Variants in THSD7A observed in about 807,000 individuals in gnomAD.
THSD7A encodes the protein thrombospondin type 1 domain containing 7A, also known as thrombospondin type-1 domain-containing protein 7A.
THSD7A carries 96 observed loss-of-function variants against 231.3 expected under a neutral mutation model. That is an observed-to-expected ratio of 0.41 (90% confidence interval 0.35 to 0.49). The LOEUF is 0.49. Among genes scored for constraint, THSD7A ranks in the 20% least tolerant of loss-of-function variants. The pLI, the probability that THSD7A is intolerant of heterozygous loss-of-function variation, is 0.05. For missense variants in THSD7A, 2,290 were observed against 2,070.2 expected, an observed-to-expected ratio of 1.11 and a Z score of -2.06; for synonymous variants, 940 against 743.3, an observed-to-expected ratio of 1.26 and a Z score of -4.30.
intron 13 of THSD7A, among the ~76,000 whole-genome samples, chr7:11,436,406 T>A (rs1784634389): frequency 6.6e-6 from 1 of 152,084 alleles, no homozygotes; most frequent in Admixed American, 6.6e-5. Flanking sequence ...TAAACATAAT[T>A]TTAACAAAAA....
At chr7:11,597,731 G>A (rs1030093438) in intron 2 of THSD7A, among the ~76,000 whole-genome samples, 11 of 152,082 alleles carry the variant, frequency 7.2e-5, no homozygotes, top group Admixed American at 1.3e-4. Context: ...ATCATGTACT[G>A]GGTGCTTTCT....
chr7:11,641,909 T>G (rs528991652), intron 1 of THSD7A, among the ~76,000 whole-genome samples: 115 of 152,196 alleles, frequency 7.6e-4, no homozygotes, highest in African/African-American at 2.7e-3. Context: ...GTACACACGA[T>G]GAAGGGCTGT....
chr7:11,650,105 A>G (rs1782435220), intron 1 of THSD7A, among the ~76,000 whole-genome samples: 1 of 152,132 alleles, frequency 6.6e-6, no homozygotes, highest in Non-Finnish European at 1.5e-5. Flanking sequence ...TAGTATCTGC[A>G]TATCAAGTGT....
At position 11,382,571 on chromosome 7, in the gene THSD7A, C is replaced by T. The variant is rs756703760; in HGVS notation, c.4457G>A (p.Gly1486Asp). 1.2e-6 allele frequency: 2 copies of T among 1,612,868 alleles called. No individual in the cohort carries two copies. Among genetic ancestry groups the T allele is most frequent in the East Asian group, 2.2e-5 (1 of 44,838 alleles). The stretch of plus-strand genomic sequence containing the variant: ...TTGACACCACACTGTTCGGGAAGAG[C>T]CCTTCCAAGCACTGGCCATCCATTT... ...EYKWMASAWK[G>D]SSRTVWCQRS... Residue 1486 changes from glycine to aspartate, a missense_variant, in exon 24 of 28, where the codon GGC becomes GAC. Physicochemically the swap from Gly to Asp is moderately conservative, Grantham distance 94. Transcript: ENST00000423059.
intron 11 of THSD7A, among the ~76,000 whole-genome samples, chr7:11,451,340 C>T (rs1330628110): frequency 1.3e-5 from 2 of 151,890 alleles, no homozygotes; most frequent in African/African-American, 4.8e-5. Context: ...GAAAGAATTG[C>T]TAATTATAAT....
At chr7:11,647,786 T>G (rs1782338822) in intron 1 of THSD7A, among the ~76,000 whole-genome samples, 1 of 152,070 alleles carries the variant, frequency 6.6e-6, no homozygotes, top group Non-Finnish European at 1.5e-5. Flanking sequence ...TGATATTGGC[T>G]GACTGCTTCT....
chr7:11,673,758 G>A (rs1251838252), intron 1 of THSD7A, among the ~76,000 whole-genome samples: 1 of 152,130 alleles, frequency 6.6e-6, no homozygotes, highest in Non-Finnish European at 1.5e-5. Flanking sequence ...TTCTCCTCCA[G>A]GAGTCCCACC....
At chr7:11,525,866 C>T (rs1788452352) in intron 6 of THSD7A, among the ~76,000 whole-genome samples, 1 of 152,106 alleles carries the variant, frequency 6.6e-6, no homozygotes, top group Admixed American at 6.6e-5. Context: ...ATATACATGT[C>T]CACATTCTAA....
chr7:11,512,088 G>GA (rs1319471429), intron 6 of THSD7A, among the ~76,000 whole-genome samples: 17 of 152,154 alleles, frequency 1.1e-4, no homozygotes, highest in Middle Eastern at 3.4e-3. Context: ...AAATTTAGAA[G>GA]AAAAAATCAA....
intron 4 of THSD7A, among the ~76,000 whole-genome samples, chr7:11,546,153 C>A (rs1789372895): frequency 2.2e-5 from 3 of 138,794 alleles, no homozygotes; most frequent in Non-Finnish European, 1.6e-5. Context: ...ACCATTGTGC[C>A]AGGGCCCACC....
intron 4 of THSD7A, among the ~76,000 whole-genome samples, chr7:11,568,936 T>C (rs1223461779): frequency 6.6e-6 from 1 of 150,890 alleles, no homozygotes; most frequent in Non-Finnish European, 1.5e-5. Flanking sequence ...TACATCAAAA[T>C]GTACTTATTG....
chr7:11,439,519 G>T (rs1173244123), intron 13 of THSD7A, among the ~76,000 whole-genome samples: 2 of 152,022 alleles, frequency 1.3e-5, no homozygotes, highest in African/African-American at 4.8e-5. Context: ...GGGGTGCCAA[G>T]TTGTGAATGC....
chr7:11,522,928 T>A (rs1315079331), intron 6 of THSD7A, among the ~76,000 whole-genome samples: 1 of 152,166 alleles, frequency 6.6e-6, no homozygotes, highest in African/African-American at 2.4e-5. Flanking sequence ...GTACCAGGTC[T>A]CTTTAGACAT....
At chr7:11,799,955 A>T (rs1014160530) in intron 1 of THSD7A, among the ~76,000 whole-genome samples, 1 of 152,218 alleles carries the variant, frequency 6.6e-6, no homozygotes, top group Admixed American at 6.5e-5. Flanking sequence ...TGTAGCGCAC[A>T]CATTTAAAAA....
intron 6 of THSD7A, among the ~76,000 whole-genome samples, chr7:11,522,060 C>T (rs1788288393): frequency 6.6e-6 from 1 of 151,900 alleles, no homozygotes; most frequent in Non-Finnish European, 1.5e-5. Flanking sequence ...CAAGCTGTGA[C>T]CAAAATTAGG....
intron 23 of THSD7A, among the ~76,000 whole-genome samples, chr7:11,396,300 A>G (rs1783183211): frequency 6.6e-6 from 1 of 152,190 alleles, no homozygotes; most frequent in Non-Finnish European, 1.5e-5. Context: ...AGCAGAGCTG[A>G]AGGTGATAGA....
intron 1 of THSD7A, among the ~76,000 whole-genome samples, chr7:11,643,396 G>A (rs1782159752): frequency 6.6e-6 from 1 of 151,938 alleles, no homozygotes. Context: ...CAAATAATAG[G>A]AAAGAAAAAT....
chr7:11,758,239 G>C (rs559994050), intron 1 of THSD7A, among the ~76,000 whole-genome samples: 13 of 152,000 alleles, frequency 8.6e-5, no homozygotes, highest in African/African-American at 2.4e-4. Flanking sequence ...AGTGTAGTTT[G>C]AGATAATCCC....
intron 1 of THSD7A, among the ~76,000 whole-genome samples, chr7:11,754,656 C>T (rs1740687396): frequency 1.3e-5 from 2 of 152,072 alleles, no homozygotes. Flanking sequence ...TGTTATTCTT[C>T]AAAATCTGTA....
Sources: allele counts gnomAD v4.1 joint callset (sites outside exome capture counted in the v4.1 genomes callset), GRCh38; gene constraint gnomAD v4.1.1; transcripts MANE v1.5; gene names NCBI Gene and HGNC (gene_info 2026-07-23, HGNC 2026-07-21).